HDAC10: variants seen among roughly 807,000 people sequenced by gnomAD.
HDAC10 encodes the protein histone deacetylase 10, also known as polyamine deacetylase HDAC10.
HDAC10 carries 90 observed loss-of-function variants against 82.3 expected under a neutral mutation model. The observed-to-expected ratio is 1.09, with a 90% CI of 0.92 to 1.30. The LOEUF is 1.30. Among genes scored for constraint, HDAC10 ranks in the 50% most tolerant of loss-of-function variants. The pLI, the probability that HDAC10 is intolerant of heterozygous loss-of-function variation, is 0.00. For missense variants in HDAC10, 934 were observed against 876.3 expected, an observed-to-expected ratio of 1.07 and a Z score of -0.83; for synonymous variants, 456 against 391.7, an observed-to-expected ratio of 1.16 and a Z score of -1.94.
chr22:50,246,843 T>G, intron 15 of HDAC10, 32 bp downstream of exon 15: 1 of 1,598,618 alleles, frequency 6.3e-7, no homozygotes, highest in Non-Finnish European at 8.6e-7. Context: ...GGTCCTGCCG[T>G]CAGAGGCTCA....
intron 16 of HDAC10, 93 bp downstream of exon 16, chr22:50,246,586 C>G: frequency 7.7e-7 from 1 of 1,303,038 alleles, no homozygotes; most frequent in Non-Finnish European, 1.1e-6. Flanking sequence ...CACACAGTGC[C>G]CCACCCACCC....
chr22:50,247,400 C>T (rs779224526), intron 14 of HDAC10: 2 of 358,114 alleles, frequency 5.6e-6, no homozygotes, highest in East Asian at 4.5e-5. Context: ...CCCAAACTGC[C>T]GTTATTACAG....
intron 13 of HDAC10, 30 bp from the exon 14 acceptor site, chr22:50,247,806 G>A (rs1325050541): frequency 3.7e-6 from 6 of 1,612,632 alleles, no homozygotes; most frequent in African/African-American, 2.7e-5. Flanking sequence ...GGGACACACA[G>A]ACACGGAGTG....
In HDAC10 at chr22:50,250,457, G is replaced by A. The variant is rs745703749; in HGVS notation, c.261C>T (p.Ser87=). The A allele has an allele frequency of 3.2e-5, 51 of 1,612,894 alleles. No individual in the cohort carries two copies. Among genetic ancestry groups the A allele is most frequent in the South Asian group, 2.2e-4 (20 of 91,090 alleles). Reference sequence around the variant, plus strand: ...GGAAGTAGATGGCGTCGAACTGTCCGGACAGCGCCTGCAGCTCCTCCTTGC... The same window carrying A: ...GGAAGTAGATGGCGTCGAACTGTCCAGACAGCGCCTGCAGCTCCTCCTTGC... ...VLGKEELQAL[S]GQFDAIYFHP... is the part of the protein sequence containing the mutation. Residue 87 remains serine, a synonymous_variant, in exon 3 of 20, where the codon TCC becomes TCT. Transcript: ENST00000216271.
Position 50,245,488 on chromosome 22 carries a change from G to T in HDAC10, c.*19C>A. On this transcript the variant is annotated 3_prime_UTR_variant, in exon 20 of 20. Coordinates refer to ENST00000216271, the MANE Select transcript of HDAC10 (RefSeq NM_032019.6). Reference sequence around the variant, plus strand: ...GCGGTGTCATTTCTGCGGTGTAAATGCTCCCACCTTGGCCGATTTCAAGCC... The same window carrying T: ...GCGGTGTCATTTCTGCGGTGTAAATTCTCCCACCTTGGCCGATTTCAAGCC... 1 of 809,182 alleles carries T rather than the reference G, an allele frequency of 1.2e-6. No individual in the cohort carries two copies. The allele number at this position is 809,182 out of a possible 1,614,324, so 50.1% of individuals were successfully genotyped here.
chr22:50,250,578 C>T, intron 2 of HDAC10, 55 bp from the exon 3 acceptor site: 26 of 1,014,076 alleles, frequency 2.6e-5, no homozygotes, highest in Middle Eastern at 2.1e-4. Context: ...AGCAGGGGGG[C>T]GGGAGGCGGG....
At position 50,247,965 on chromosome 22, in the gene HDAC10, A is replaced by C. The variant is rs35491456; in HGVS notation, c.1262T>G (p.Ile421Ser). Residue 421 changes from isoleucine to serine, a missense_variant, in exon 13 of 20, where the codon ATC becomes AGC. Coordinates refer to ENST00000216271, the MANE Select transcript of HDAC10 (RefSeq NM_032019.6). ...RTAVALTTPD[I>S]TLVLPPDVIQ... ...GACGTCAGGGGGCAGAACCAATGTG[A>C]TATCCGGCGTTGTCAGGGCAACAGC... The C allele has an allele frequency of 7.4e-6, 12 of 1,612,722 alleles. No individual in the cohort carries two copies. Among genetic ancestry groups the C allele is most frequent in the African/African-American group, 1.3e-5 (1 of 74,902 alleles).
In HDAC10 at chr22:50,245,713, G is replaced by A. The variant is rs755284115; in HGVS notation, c.1948C>T (p.Leu650=). The change falls in exon 19 of 20, where the codon CTG becomes TTG. Residue 650 remains leucine, a synonymous_variant. Transcript: ENST00000216271. ...SPEDVQALMY[L]RGQLEPQWKM... ...CACTGAGGCTCCAGCTGCCCTCTCA[G>A]GTACATCAGGGCCTGGACGTCCTCT... 9.9e-6 allele frequency: 16 copies of A among 1,613,244 alleles called. No individual in the cohort carries two copies. The highest frequency in any genetic ancestry group is 1.4e-5 in the Non-Finnish European group (16 of 1,179,946).
At position 50,248,759 on chromosome 22, in the gene HDAC10, CA is replaced by C; in HGVS notation, c.817-9del. On this transcript the variant is annotated splice_polypyrimidine_tract_variant and intron_variant, in intron 9 of 19. Transcript: ENST00000216271. This position sits in a 1 kb window ranked among gnomAD's most constrained non-coding sequence, Gnocchi z 5.4. Reference sequence around the variant, plus strand: ...CGTGGCCTGCATTTGCCCCTGGAACCAGAGCCATGTGTGATGGGGGACCTGG... The same window carrying C: ...CGTGGCCTGCATTTGCCCCTGGAACCGAGCCATGTGTGATGGGGGACCTGG... The C allele has an allele frequency of 1.3e-6, 2 of 1,588,194 alleles. No homozygotes were observed. Among genetic ancestry groups the C allele is most frequent in the South Asian group, 2.3e-5 (2 of 87,802 alleles).
rs369241370 is a variant in HDAC10, at chr22:50,248,066, C to T, written c.1161G>A (p.Val387=). 1.4e-5 allele frequency: 23 copies of T among 1,605,824 alleles called. No individual in the cohort carries two copies. In the African/African-American group the frequency reaches 1.6e-4, roughly 11 times the overall value. ...TCGGTGCAGATGCAGCTGCCTTACA[C>T]ACTGGACCCCCAGGCAGCAGAGGTG... ...RPPPLLPGGP[V]CKAAASAPSS... The change falls in exon 13 of 20, where the codon GTG becomes GTA. Residue 387 remains valine (V), a synonymous_variant. Coordinates refer to ENST00000216271, the MANE Select transcript of HDAC10 (RefSeq NM_032019.6). This position sits in a 1 kb window ranked among gnomAD's most constrained non-coding sequence, Gnocchi z 5.4.
Position 50,249,624 on chromosome 22 carries a change from C to T in HDAC10, c.563+11G>A, listed in dbSNP as rs542793996. 1.1e-5 allele frequency: 17 copies of T among 1,612,788 alleles called. No individual in the cohort carries two copies. The highest frequency in any genetic ancestry group is 8.8e-5 in the South Asian group (8 of 91,090). ...GCTGCAGGGAAGGGTGGTTTCCGCACCCCTGCTCACCTGGGGTCATCCTCA... is the reference window on the plus strand; with the variant it reads ...GCTGCAGGGAAGGGTGGTTTCCGCATCCCTGCTCACCTGGGGTCATCCTCA... On this transcript the variant is annotated intron_variant, in intron 6 of 19. Coordinates refer to ENST00000216271, the MANE Select transcript of HDAC10 (RefSeq NM_032019.6). This position sits in a 1 kb window ranked among gnomAD's most constrained non-coding sequence, Gnocchi z 4.4.
intron 17 of HDAC10, 98 bp from the exon 18 acceptor site, chr22:50,246,190 A>G: frequency 5.2e-6 from 8 of 1,528,766 alleles, no homozygotes; most frequent in Non-Finnish European, 6.3e-6. Context: ...AGGAGCAGGG[A>G]GACAGGAAGG....
Position 50,248,217 on chromosome 22 carries a change from A to G in HDAC10, c.1081+8T>C, listed in dbSNP as rs1278640910. ...GGATCCTGCAGCCTAGCACCCGGCCACACTGACCTTGCTGCTGGAGGCTCT... is the reference window on the plus strand; with the variant it reads ...GGATCCTGCAGCCTAGCACCCGGCCGCACTGACCTTGCTGCTGGAGGCTCT... On this transcript the variant is annotated splice_region_variant and intron_variant, in intron 12 of 19. Coordinates refer to ENST00000216271, the MANE Select transcript of HDAC10 (RefSeq NM_032019.6). The surrounding 1 kb of genome is among the most constrained non-coding windows in gnomAD (Gnocchi z 5.4). The G allele has an allele frequency of 6.2e-7, 1 of 1,611,184 alleles. No homozygotes were observed. Among genetic ancestry groups the G allele is most frequent in the Non-Finnish European group, 8.5e-7 (1 of 1,179,354 alleles).
chr22:50,247,300 C>A (rs2064978411), intron 14 of HDAC10: 1 of 306,832 alleles, frequency 3.3e-6, no homozygotes, highest in African/African-American at 2.2e-5. Flanking sequence ...GCTTGGCTGA[C>A]TTTTTTATTT....
chr22:50,246,984 A>T lies in HDAC10; in HGVS notation c.1423-18T>A. The T allele has an allele frequency of 6.5e-7, 1 of 1,550,160 alleles. No homozygotes were observed. Among genetic ancestry groups the T allele is most frequent in the Middle Eastern group, 1.7e-4 (1 of 5,846 alleles). On this transcript the variant is annotated intron_variant, in intron 14 of 19. Coordinates refer to ENST00000216271, the MANE Select transcript of HDAC10 (RefSeq NM_032019.6). ...CTGTTCACCTGTGGGATGAATAAAC[A>T]GTGGAGAATGAGGCACCAACCAACT...
chr22:50,248,556 C>G lies in HDAC10; in HGVS notation c.907-84G>C. On this transcript the variant is annotated intron_variant, in intron 10 of 19. Transcript: ENST00000216271. This position sits in a 1 kb window ranked among gnomAD's most constrained non-coding sequence, Gnocchi z 5.4. ...GGGAGAGCCCCTGCCTGGCTCTATC[C>G]CGGGCAGGACGCCCCTCCCAAATAC... 6.7e-7 allele frequency: 1 copy of G among 1,489,356 alleles called. No individual in the cohort carries two copies. The allele number at this position is 1,489,356 out of a possible 1,614,324, so 92.3% of individuals were successfully genotyped here.
chr22:50,250,487 G>A lies in HDAC10; in HGVS notation c.231C>T (p.Val77=), dbSNP rs1601632030. Residue 77 remains valine (V), a synonymous_variant, in exon 3 of 20, where the codon GTC becomes GTT. Transcript: ENST00000216271. ...GCGCCTGCAGCTCCTCCTTGCCTAG[G>A]ACCTGGGTCTCCCTGACCAGGGATA... The part of the protein sequence containing the change: ...EYVSLVRETQ[V]LGKEELQALS... The A allele has an allele frequency of 1.2e-6, 2 of 1,612,906 alleles. No homozygotes were observed. The highest frequency in any genetic ancestry group is 1.7e-6 in the Non-Finnish European group (2 of 1,179,972).
At chr22:50,250,390 T>C (rs1367798255) in intron 3 of HDAC10, 37 bp downstream of exon 3, 1 of 1,583,638 alleles carries the variant, frequency 6.3e-7, no homozygotes, top group African/African-American at 1.3e-5. Flanking sequence ...CACGTGCATG[T>C]GTGTCTGCAC....
At chr22:50,247,644 C>G (rs2064987733) in intron 14 of HDAC10, 48 bp downstream of exon 14, 2 of 1,409,134 alleles carry the variant, frequency 1.4e-6, no homozygotes, top group South Asian at 2.6e-5. Flanking sequence ...GGTCCTGGTC[C>G]CTGCCCCTAG....
Sources: allele counts gnomAD v4.1 joint callset, GRCh38; gene constraint gnomAD v4.1.1; non-coding constraint Gnocchi (gnomAD v3.1); transcripts MANE v1.5; gene names NCBI Gene and HGNC (gene_info 2026-07-23, HGNC 2026-07-21).